GNL2: variants seen among roughly 807,000 people sequenced by gnomAD.
GNL2 encodes the protein G protein nucleolar 2, also known as nucleolar GTP-binding protein 2.
In GNL2, 51 loss-of-function variants were observed where a neutral mutation model predicts 92.3. The ratio of observed to expected loss-of-function variants is 0.55; its 90% confidence interval spans 0.44 to 0.70. The LOEUF (loss-of-function observed/expected upper bound fraction) is 0.70, where lower values mean the gene tolerates loss of function less well. GNL2 is among the 30% of genes least tolerant of loss of function. The probability of loss-of-function intolerance (pLI) is 0.00; values close to 1 mark genes in which losing one functional copy is unlikely to be tolerated. For synonymous variants in GNL2, 283 were observed against 300.6 expected, an observed-to-expected ratio of 0.94 and a Z score of 0.61; for missense variants, 844 against 895.6, an observed-to-expected ratio of 0.94 and a Z score of 0.74.
At position 37,582,933 on chromosome 1, in the gene GNL2, T is replaced by C; in HGVS notation, c.640A>G (p.Ile214Val). The C allele has an allele frequency of 1.2e-6, 2 of 1,609,056 alleles. No homozygotes were observed. Among genetic ancestry groups the C allele is most frequent in the Middle Eastern group, 3.3e-4 (2 of 6,046 alleles). The change falls in exon 7 of 16, where the codon ATA becomes GTA. Residue 214 changes from isoleucine to valine, a missense_variant. Coordinates refer to ENST00000373062, the MANE Select transcript of GNL2 (RefSeq NM_013285.3). The stretch of plus-strand genomic sequence containing the variant: ...TGAACTACAACATCTGATGAATCTA[T>C]CACCTGAAAATTCAGAAAGGCAAAA... ...KRIWGELYKV[I>V]DSSDVVVQVL...
At chr1:37,576,157 T>TA (rs946967375) in intron 9 of GNL2, 5 of 357,920 alleles carry the variant, frequency 1.4e-5, no homozygotes, top group African/African-American at 1.1e-4. Context: ...TTTATCAAAA[T>TA]AAAAGGCTGG....
At chr1:37,586,267 T>C (rs1643849405) in intron 5 of GNL2, among the ~76,000 whole-genome samples, 1 of 152,174 alleles carries the variant, frequency 6.6e-6, no homozygotes, top group East Asian at 1.9e-4. Flanking sequence ...GCTGGGACTC[T>C]ATGCCCAGCC....
Position 37,582,253 on chromosome 1 carries a change from T to C in GNL2, c.879A>G (p.Ala293=). The C allele has an allele frequency of 6.2e-7, 1 of 1,612,700 alleles. No individual in the cohort carries two copies. Among genetic ancestry groups the C allele is most frequent in the Non-Finnish European group, 8.5e-7 (1 of 1,179,278 alleles). Residue 293 remains alanine, a synonymous_variant, in exon 8 of 16, where the codon GCA becomes GCG. Transcript: ENST00000373062. ...CAAACTGCCGCAGAAGCTGAATGAA[T>C]GCTCCCTTGCCAAACGGGTTAGTAA... ...ASLTNPFGKG[A]FIQLLRQFGK...
intron 3 of GNL2, 106 bp downstream of exon 3, chr1:37,592,606 C>A: frequency 1.5e-6 from 1 of 672,462 alleles, no homozygotes; most frequent in Non-Finnish European, 2.7e-6. Flanking sequence ...ATAATCCTTG[C>A]CGGTTTCACT....
At chr1:37,573,385 G>C (rs930942606) in intron 12 of GNL2, among the ~76,000 whole-genome samples, 6 of 152,224 alleles carry the variant, frequency 3.9e-5, no homozygotes, top group Non-Finnish European at 8.8e-5. Context: ...GCTGGGTTCT[G>C]AAAAAGGTCC....
intron 1 of GNL2, 118 bp downstream of exon 1, chr1:37,595,641 G>A: frequency 4.8e-6 from 4 of 827,552 alleles, no homozygotes; most frequent in South Asian, 2.9e-5. Flanking sequence ...CAGCCACCCC[G>A]CTCGTAGTCA....
At chr1:37,583,376 C>A in intron 6 of GNL2, 1 of 157,686 alleles carries the variant, frequency 6.3e-6, no homozygotes, top group Non-Finnish European at 1.4e-5. Flanking sequence ...GAAAATTTTT[C>A]TTCTGAAGGT....
chr1:37,581,790 C>A (rs141701160), intron 8 of GNL2, among the ~76,000 whole-genome samples: 7,798 of 152,032 alleles, frequency 0.051, 286 homozygotes, highest in Non-Finnish European at 0.077. Context: ...TCAGTCTCCC[C>A]AGTAGCTGGG....
rs138606553 is a variant in GNL2, at chr1:37,589,732, A to G, written c.384+974T>C. On this transcript the variant is annotated intron_variant, in intron 4 of 15. Coordinates refer to ENST00000373062, the MANE Select transcript of GNL2 (RefSeq NM_013285.3). ...TGCAAGTAAAAATAAGCAGACAAACAACAGATTCTTTCTTTGTTCTGTGTG... is the reference window on the plus strand; with the variant it reads ...TGCAAGTAAAAATAAGCAGACAAACGACAGATTCTTTCTTTGTTCTGTGTG... Among the ~76,000 whole-genome samples the G allele has an allele frequency of 4.0e-3, 611 of 152,334 alleles. 2 individuals are homozygous for G. The highest frequency in any genetic ancestry group is 7.0e-3 in the Non-Finnish European group (479 of 68,034).
chr1:37,576,596 T>C (rs1311104689), intron 8 of GNL2, 40 bp from the exon 9 acceptor site: 3 of 1,594,264 alleles, frequency 1.9e-6, no homozygotes, highest in Non-Finnish European at 2.6e-6. Context: ...CATGCAGTCA[T>C]ATATATCCCT....
At position 37,567,012 on chromosome 1, in the gene GNL2, A is replaced by C. The variant is rs1236188290; in HGVS notation, c.2044-5T>G. 1 of 1,603,566 alleles carries C rather than the reference A, an allele frequency of 6.2e-7. No individual in the cohort carries two copies. Among genetic ancestry groups the C allele is most frequent in the South Asian group, 1.1e-5 (1 of 88,062 alleles). Reference sequence around the variant, plus strand: ...CTGTCGTACTGCTCGCCTCCGCTGTAAAAAATGGCAAGAAAAGATGAAGAA... The same window carrying C: ...CTGTCGTACTGCTCGCCTCCGCTGTCAAAAATGGCAAGAAAAGATGAAGAA... On this transcript the variant is annotated splice_polypyrimidine_tract_variant and splice_region_variant and intron_variant, in intron 15 of 15. Coordinates refer to ENST00000373062, the MANE Select transcript of GNL2 (RefSeq NM_013285.3).
chr1:37,578,179 C>A (rs1241321887), intron 8 of GNL2, among the ~76,000 whole-genome samples: 1 of 152,160 alleles, frequency 6.6e-6, no homozygotes, highest in Non-Finnish European at 1.5e-5. Context: ...TGGCTCATGC[C>A]TGTAATCCCA....
In GNL2 at chr1:37,567,006, C is replaced by T. The variant is rs116251390; in HGVS notation, c.2045G>A (p.Arg682Gln). The T allele has an allele frequency of 7.3e-4, 1,168 of 1,605,084 alleles. 9 individuals carry two copies. In the African/African-American group the frequency reaches 0.014, roughly 19 times the overall value. ...KAPRALTSKE[R>Q]RRAVRQQRPK... ...CCGTTGCTGTCGTACTGCTCGCCTC[C>T]GCTGTAAAAAATGGCAAGAAAAGAT... is the stretch of plus-strand genomic sequence containing the variant. The change falls in exon 16 of 16, where the codon CGG becomes CAG. Residue 682 changes from arginine to glutamine, a missense_variant and splice_region_variant. By Grantham distance (43) the Arg-to-Gln change is conservative (BLOSUM62 1). Transcript: ENST00000373062.
At chr1:37,570,060 T>C (rs1283855933) in intron 12 of GNL2, 1 of 152,232 alleles carries the variant, frequency 6.6e-6, no homozygotes, top group Non-Finnish European at 1.5e-5. Context: ...TCTTTTTCTT[T>C]ATAAACTAAC....
intron 4 of GNL2, among the ~76,000 whole-genome samples, chr1:37,589,521 T>C (rs1284189045): frequency 6.6e-6 from 1 of 152,166 alleles, no homozygotes; most frequent in Non-Finnish European, 1.5e-5. Flanking sequence ...TTAGCCAGGA[T>C]GGTCTCAATC....
chr1:37,577,309 G>A (rs1021512640), intron 8 of GNL2, among the ~76,000 whole-genome samples: 32 of 151,900 alleles, frequency 2.1e-4, no homozygotes, highest in Admixed American at 1.6e-3. Flanking sequence ...AAGAAAAAAA[G>A]CAACCTTGAA....
At chr1:37,593,443 T>G (rs1029607109) in intron 2 of GNL2, 5 of 261,434 alleles carry the variant, frequency 1.9e-5, no homozygotes, top group Non-Finnish European at 2.9e-5. Flanking sequence ...CTTTCCTAAC[T>G]ACAGTCCTGT....
At chr1:37,567,048 A>G (rs1389179410) in intron 15 of GNL2, 41 bp from the exon 16 acceptor site, 1 of 1,595,840 alleles carries the variant, frequency 6.3e-7, no homozygotes, top group East Asian at 2.2e-5. Flanking sequence ...AAAAAACAAC[A>G]AAACCCTGAA....
chr1:37,568,936 C>T lies in GNL2; in HGVS notation c.1783G>A (p.Ala595Thr). ...EEENVGNDTK[A>T]VIKALDEKIA... Reference sequence around the variant, plus strand: ...TTCTCATCCAGTGCTTTAATAACGGCTTTGGTGTCGTTTCCCACATTTTCC... The same window carrying T: ...TTCTCATCCAGTGCTTTAATAACGGTTTTGGTGTCGTTTCCCACATTTTCC... Residue 595 changes from alanine (A) to threonine (T), a missense_variant, in exon 13 of 16, where the codon GCC (alanine) becomes ACC (threonine). Transcript: ENST00000373062. The T allele has an allele frequency of 6.2e-7, 1 of 1,614,150 alleles. No homozygotes were observed. The highest frequency in any genetic ancestry group is 8.5e-7 in the Non-Finnish European group (1 of 1,180,004).
Sources: allele counts gnomAD v4.1 joint callset (sites outside exome capture counted in the v4.1 genomes callset), GRCh38; gene constraint gnomAD v4.1.1; transcripts MANE v1.5; gene names NCBI Gene and HGNC (gene_info 2026-07-23, HGNC 2026-07-21).